The following NOS1 variants were observed in gnomAD, a reference collection of about 807,000 sequenced individuals.
NOS1 encodes the protein NOS type I.
Under a neutral mutation model 164.5 loss-of-function variants are expected in NOS1, and 51 were observed. That is an observed-to-expected ratio of 0.31 (90% CI 0.25 to 0.39). The LOEUF (loss-of-function observed/expected upper bound fraction) is 0.39, where lower values mean the gene tolerates loss of function less well. Ranked by LOEUF, NOS1 falls within the 10% of genes least tolerant of loss-of-function variation. The probability of loss-of-function intolerance (pLI) is 1.00; values close to 1 mark genes in which losing one functional copy is unlikely to be tolerated. For synonymous variants in NOS1, 719 were observed against 745.8 expected, an observed-to-expected ratio of 0.96 and a Z score of 0.59; for missense variants, 1,362 against 1,885.6, an observed-to-expected ratio of 0.72 and a Z score of 5.14.
Position 117,288,190 on chromosome 12 carries a change from C to T in NOS1, c.1011G>A (p.Met337Ile), listed in dbSNP as rs1189709236. 2 of 1,613,674 alleles carry T rather than the reference C, an allele frequency of 1.2e-6. No individual in the cohort carries two copies. Among genetic ancestry groups the T allele is most frequent in the African/African-American group, 2.7e-5 (2 of 74,908 alleles). Residue 337 changes from methionine (M) to isoleucine (I), a missense_variant, in exon 5 of 29, where the codon ATG (methionine) becomes ATA (isoleucine). This residue lies in a region of NOS1 where 129 missense variants were observed against 186.0 expected (regional missense o/e 0.69). Transcript: ENST00000317775. ...GCTGAGAAGGATGCATGATGGAGCC[C>T]ATGCAGATGTACTCAGTGCATCCCG... is the stretch of plus-strand genomic sequence containing the variant. ...LETGCTEYICMGSIMHPSQHA... is the reference protein window; with the variant it reads ...LETGCTEYICIGSIMHPSQHA...
At position 117,277,941 on chromosome 12, in the gene NOS1, C is replaced by T; in HGVS notation, c.1664+18G>A. ...CAAACCCACTCACCCTCTCCCACCCCTTGCCAGTCCCTCTTACTTGGGGTG... is the reference window on the plus strand; with the variant it reads ...CAAACCCACTCACCCTCTCCCACCCTTTGCCAGTCCCTCTTACTTGGGGTG... On this transcript the variant is annotated intron_variant, in intron 9 of 28. Transcript: ENST00000317775. 1 of 1,604,966 alleles carries T rather than the reference C, an allele frequency of 6.2e-7. No homozygotes were observed. The highest frequency in any genetic ancestry group is 8.5e-7 in the Non-Finnish European group (1 of 1,173,540).
At chr12:117,341,079 A>G (rs536832400) in intron 1 of NOS1, among the ~76,000 whole-genome samples, 1 of 152,190 alleles carries the variant, frequency 6.6e-6, no homozygotes, top group South Asian at 2.1e-4. Flanking sequence ...GTAAGTGCCC[A>G]GGAAATGGAT....
chr12:117,338,581 T>C (rs1400396577), intron 1 of NOS1, among the ~76,000 whole-genome samples: 1 of 151,900 alleles, frequency 6.6e-6, no homozygotes, highest in Non-Finnish European at 1.5e-5. Flanking sequence ...ACCTGCACAT[T>C]GTGCACATGT....
intron 17 of NOS1, among the ~76,000 whole-genome samples, chr12:117,249,294 C>T (rs187889451): frequency 5.3e-5 from 8 of 152,228 alleles, no homozygotes; most frequent in African/African-American, 1.7e-4. Flanking sequence ...GGTTTCTCTT[C>T]GTTTCTTTTG....
intron 1 of NOS1, among the ~76,000 whole-genome samples, chr12:117,341,822 T>C (rs1876126255): frequency 6.6e-6 from 1 of 152,184 alleles, no homozygotes; most frequent in Non-Finnish European, 1.5e-5. Context: ...GCCTTAAAGA[T>C]GGAAACCAAT....
intron 1 of NOS1, among the ~76,000 whole-genome samples, chr12:117,353,102 A>G (rs1039010493): frequency 2.0e-5 from 3 of 151,970 alleles, no homozygotes; most frequent in African/African-American, 7.3e-5. Flanking sequence ...CTACCTAGCT[A>G]TCTATCCATC....
Position 117,330,989 on chromosome 12 carries a change from G to GCCC in NOS1, c.78_80dup (p.Gly27dup). Reference sequence around the variant, plus strand: ...CCCGCTCCTTCACCAGAAATCCCAGGCCCCCAACTTTGCGCTTGAAGAGAC... The same window carrying GCCC: ...CCCGCTCCTTCACCAGAAATCCCAGGCCCCCCCCAACTTTGCGCTTGAAGAGAC... On this transcript the variant is annotated inframe_insertion, in exon 2 of 29. Transcript: ENST00000317775. The surrounding 1 kb of genome is among the most constrained non-coding windows in gnomAD (Gnocchi z 4.6). The GCCC allele has an allele frequency of 6.2e-7, 1 of 1,614,132 alleles. No homozygotes were observed. The highest frequency in any genetic ancestry group is 8.5e-7 in the Non-Finnish European group (1 of 1,180,022).
At chr12:117,251,523 C>G (rs1871099448) in intron 17 of NOS1, among the ~76,000 whole-genome samples, 1 of 152,092 alleles carries the variant, frequency 6.6e-6, no homozygotes, top group Non-Finnish European at 1.5e-5. Context: ...TGCAATCCCC[C>G]CACCACAGCC....
At chr12:117,254,602 T>C (rs980213093) in intron 16 of NOS1, among the ~76,000 whole-genome samples, 1 of 152,184 alleles carries the variant, frequency 6.6e-6, no homozygotes, top group South Asian at 2.1e-4. Flanking sequence ...ATTGGCTAAG[T>C]GTGGCTATCT....
chr12:117,260,579 C>A lies in NOS1; in HGVS notation c.2253G>T (p.Gly751=), dbSNP rs754326654. Residue 751 remains glycine (G), a synonymous_variant, in exon 14 of 29, where the codon GGG becomes GGT. Transcript: ENST00000317775. ...EAVKFSAKLM[G]QAMAKRVKAT... ...CTTTCACCCTCTTGGCCATAGCCTG[C>A]CCCATCAGCTTGGCCGAGAACTTGA... 2 of 1,613,964 alleles carry A rather than the reference C, an allele frequency of 1.2e-6. No individual in the cohort carries two copies. Among genetic ancestry groups the A allele is most frequent in the Non-Finnish European group, 8.5e-7 (1 of 1,179,888 alleles).
chr12:117,212,818 A>T lies in NOS1; in HGVS notation c.*2491T>A, dbSNP rs1007447861. 1.0e-6 allele frequency: 1 copy of T among 985,138 alleles called. No homozygotes were observed. Among genetic ancestry groups the T allele is most frequent in the Non-Finnish European group, 1.2e-6 (1 of 829,904 alleles). The allele number at this position is 985,138 out of a possible 1,614,324, so 61.0% of individuals were successfully genotyped here. A position where few individuals can be genotyped will look rare whatever the true frequency, so the allele number is the denominator to read the frequency against. On this transcript the variant is annotated 3_prime_UTR_variant, in exon 29 of 29. Coordinates refer to ENST00000317775, the MANE Select transcript of NOS1 (RefSeq NM_000620.5). ...ATCTGAGCCTAACAATCTGGACTCCACTCTGGTCCTTGAGAGGTTACTCAA... is the reference window on the plus strand; with the variant it reads ...ATCTGAGCCTAACAATCTGGACTCCTCTCTGGTCCTTGAGAGGTTACTCAA...
chr12:117,351,058 G>A (rs1390871402), intron 1 of NOS1, among the ~76,000 whole-genome samples: 1 of 152,118 alleles, frequency 6.6e-6, no homozygotes, highest in Non-Finnish European at 1.5e-5. Flanking sequence ...AGCTTGCAGT[G>A]AGCCGAGATC....
At chr12:117,328,648 T>C (rs1447539205) in intron 2 of NOS1, among the ~76,000 whole-genome samples, 2 of 152,118 alleles carry the variant, frequency 1.3e-5, no homozygotes, top group Non-Finnish European at 2.9e-5. Context: ...CACTGCAACC[T>C]CTGCCTCCCG....
At chr12:117,345,332 T>C (rs1260776839) in intron 1 of NOS1, among the ~76,000 whole-genome samples, 1 of 152,110 alleles carries the variant, frequency 6.6e-6, no homozygotes, top group African/African-American at 2.4e-5. Context: ...TGCAAGATGC[T>C]CTTTCTGTCT....
At chr12:117,287,207 CTG>C (rs1389937268) in intron 5 of NOS1, among the ~76,000 whole-genome samples, 1 of 152,050 alleles carries the variant, frequency 6.6e-6, no homozygotes, top group Non-Finnish European at 1.5e-5. Context: ...GAGCAAGACT[CTG>C]TCTCAAAAAA....
chr12:117,212,923 G>C lies in NOS1; in HGVS notation c.*2386C>G. Reference sequence around the variant, plus strand: ...GATCGCTCTCCTGCCTTCTAGCCTGGAGTTGTGAAGCAGCTTGTGTTGGGG... The same window carrying C: ...GATCGCTCTCCTGCCTTCTAGCCTGCAGTTGTGAAGCAGCTTGTGTTGGGG... On this transcript the variant is annotated 3_prime_UTR_variant, in exon 29 of 29. Transcript: ENST00000317775. The C allele has an allele frequency of 1.0e-6, 1 of 985,388 alleles. No homozygotes were observed. The highest frequency in any genetic ancestry group is 1.2e-6 in the Non-Finnish European group (1 of 829,926). 61.0% of individuals were successfully genotyped at this position (985,388 alleles called of 1,614,324 possible).
intron 3 of NOS1, among the ~76,000 whole-genome samples, chr12:117,302,594 CAAAAAAAAAAA>C (rs144113071): frequency 1.4e-5 from 1 of 72,966 alleles, no homozygotes; most frequent in Admixed American, 1.5e-4. Context: ...GACTCCGTCT[CAAAAAAAAAAA>C]AAAAAAAAAA....
intron 9 of NOS1, 144 bp downstream of exon 9, chr12:117,277,815 G>A (rs2293052): frequency 0.34 from 319,561 of 950,458 alleles, 56,828 homozygotes; most frequent in Middle Eastern, 0.4. Flanking sequence ...GCCCAAGCCC[G>A]CAGTGAGGAC....
In NOS1 at chr12:117,286,202, T is replaced by G. The variant is rs758813540; in HGVS notation, c.1192A>C (p.Thr398Pro). 6.2e-7 allele frequency: 1 copy of G among 1,614,188 alleles called. No homozygotes were observed. ...EVNKEIDTTS[T>P]YQLKDTELIY... ...AGCTCTGTGTCCTTGAGCTGGTAAG[T>G]GCTAGTGGTGTCGATCTCTTTGTTC... Residue 398 changes from threonine (T) to proline (P), a missense_variant, in exon 6 of 29, where the codon ACT (threonine) becomes CCT (proline). Thr to Pro is a conservative substitution (Grantham distance 38). Around this residue, in one of 4 missense-constraint regions of NOS1, gnomAD observed 129 missense variants for 186.0 expected, o/e 0.69. Transcript: ENST00000317775.
Sources: gnomAD v4.1 joint callset for allele counts (sites outside exome capture counted in the v4.1 genomes callset) on GRCh38, gnomAD v4.1.1 for gene constraint, gnomAD v4.1.1 regional missense constraint, Gnocchi (gnomAD v3.1) non-coding constraint, MANE v1.5 for transcripts, NCBI Gene and HGNC (gene_info 2026-07-23, HGNC 2026-07-21) for gene names.